The following DLG2 variants were observed in gnomAD, a reference collection of about 807,000 sequenced individuals.
DLG2 encodes discs large MAGUK scaffold protein 2.
A neutral mutation model predicts 132.5 loss-of-function variants in DLG2; 45 were observed. That is an observed-to-expected ratio of 0.34 (90% confidence interval 0.27 to 0.44). DLG2 has a LOEUF of 0.44. Among genes scored for constraint, DLG2 ranks in the 20% least tolerant of loss-of-function variants. The pLI, the probability that DLG2 is intolerant of heterozygous loss-of-function variation, is 1.00. For synonymous variants in DLG2, 424 were observed against 419.6 expected, an observed-to-expected ratio of 1.01 and a Z score of -0.13; for missense variants, 1,045 against 1,196.9, an observed-to-expected ratio of 0.87 and a Z score of 1.87.
chr11:85,060,148 T>A (rs1414661893), intron 6 of DLG2, among the ~76,000 whole-genome samples: 1 of 151,404 alleles, frequency 6.6e-6, no homozygotes, highest in Non-Finnish European at 1.5e-5. Flanking sequence ...TCTGTTTCAG[T>A]GAGTTTGGCG....
chr11:85,122,683 A>G (rs2074466278), intron 5 of DLG2, among the ~76,000 whole-genome samples: 1 of 151,910 alleles, frequency 6.6e-6, no homozygotes, highest in Non-Finnish European at 1.5e-5. Context: ...GGGGACTAAG[A>G]TCCTGCATTT....
chr11:85,079,321 G>A (rs1196530146), intron 6 of DLG2, among the ~76,000 whole-genome samples: 2 of 152,006 alleles, frequency 1.3e-5, no homozygotes, highest in African/African-American at 2.4e-5. Context: ...CTGTTTTAAT[G>A]TTGATGCTGG....
intron 11 of DLG2, among the ~76,000 whole-genome samples, chr11:83,981,665 G>C (rs2092791262): frequency 1.3e-5 from 2 of 152,066 alleles, no homozygotes; most frequent in African/African-American, 2.4e-5. Context: ...TTGAACTCCT[G>C]ACCTCAGGTG....
intron 17 of DLG2, among the ~76,000 whole-genome samples, chr11:83,832,083 C>T (rs1003838632): frequency 6.6e-6 from 1 of 152,142 alleles, no homozygotes; most frequent in Non-Finnish European, 1.5e-5. Context: ...GGAAGTTTAT[C>T]TTCATTTGAA....
chr11:83,560,126 T>C (rs926737141), intron 19 of DLG2, among the ~76,000 whole-genome samples: 8 of 151,978 alleles, frequency 5.3e-5, no homozygotes, highest in African/African-American at 1.9e-4. Flanking sequence ...TGCTTTTTTT[T>C]TTTTTCTTCT....
intron 11 of DLG2, among the ~76,000 whole-genome samples, chr11:84,054,237 T>G (rs2154124389): frequency 6.6e-6 from 1 of 152,176 alleles, no homozygotes; most frequent in Non-Finnish European, 1.5e-5. Flanking sequence ...AAACAAACAG[T>G]TCTGTACTTG....
At chr11:85,348,661 T>C (rs1023334590) in intron 3 of DLG2, among the ~76,000 whole-genome samples, 3 of 152,096 alleles carry the variant, frequency 2.0e-5, no homozygotes, top group African/African-American at 7.3e-5. Context: ...CAACCTAACT[T>C]TCCTGTACTT....
At chr11:84,445,848 GGAGCTTGCAGT>G (rs1193531160) in intron 7 of DLG2, among the ~76,000 whole-genome samples, 1 of 149,690 alleles carries the variant, frequency 6.7e-6, no homozygotes, top group East Asian at 2.0e-4. Context: ...CCCGGGAGGC[GGAGCTTGCAGT>G]GAGCCGAGAT....
At chr11:84,748,696 A>T (rs1340962802) in intron 6 of DLG2, among the ~76,000 whole-genome samples, 1 of 152,226 alleles carries the variant, frequency 6.6e-6, no homozygotes, top group African/African-American at 2.4e-5. Context: ...GTGGTAGAGA[A>T]GTAAAGGTTA....
chr11:85,576,690 G>C (rs2078176687), intron 3 of DLG2, among the ~76,000 whole-genome samples: 2 of 152,104 alleles, frequency 1.3e-5, no homozygotes, highest in African/African-American at 4.8e-5. Context: ...CTAAGTGTTA[G>C]GATTAAAAGA....
chr11:84,054,841 T>C (rs912202505), intron 11 of DLG2, among the ~76,000 whole-genome samples: 1 of 152,100 alleles, frequency 6.6e-6, no homozygotes, highest in Non-Finnish European at 1.5e-5. Context: ...GTTTATCCTC[T>C]ATTCTGTGCA....
chr11:84,674,421 AACAGGC>A (rs1198874572), intron 6 of DLG2, among the ~76,000 whole-genome samples: 2 of 152,100 alleles, frequency 1.3e-5, no homozygotes, highest in East Asian at 3.9e-4. Context: ...CTTACTAAGT[AACAGGC>A]ACTGTGGTAG....
chr11:84,519,422 G>C (rs1378063912), intron 7 of DLG2, among the ~76,000 whole-genome samples: 3 of 152,126 alleles, frequency 2.0e-5, no homozygotes, highest in Non-Finnish European at 2.9e-5. Flanking sequence ...AATTCAAAGA[G>C]ACAAGATATT....
intron 6 of DLG2, among the ~76,000 whole-genome samples, chr11:84,940,345 G>T (rs1443432775): frequency 1.3e-5 from 2 of 152,118 alleles, no homozygotes; most frequent in African/African-American, 4.8e-5. Context: ...TAGAGACAGG[G>T]TTTCATCATT....
At chr11:84,728,727 T>G (rs951471149) in intron 6 of DLG2, among the ~76,000 whole-genome samples, 3 of 152,162 alleles carry the variant, frequency 2.0e-5, no homozygotes, top group Non-Finnish European at 4.4e-5. Flanking sequence ...TCTTGGACTT[T>G]TTTTGGTTGT....
intron 6 of DLG2, among the ~76,000 whole-genome samples, chr11:84,981,658 C>A (rs888570620): frequency 1.3e-5 from 2 of 152,026 alleles, no homozygotes; most frequent in Non-Finnish European, 2.9e-5. Context: ...AATATAGCAC[C>A]ATTTTAACAT....
chr11:84,748,258 A>G (rs2076978988), intron 6 of DLG2, among the ~76,000 whole-genome samples: 1 of 152,200 alleles, frequency 6.6e-6, no homozygotes, highest in South Asian at 2.1e-4. Flanking sequence ...CCAACATGCC[A>G]ATTGGTCTTC....
chr11:84,859,835 T>TA (rs543736442), intron 6 of DLG2, among the ~76,000 whole-genome samples: 179 of 151,958 alleles, frequency 1.2e-3, no homozygotes, highest in African/African-American at 4.2e-3. Flanking sequence ...GAGGCAAGTT[T>TA]AAAAAAAATC....
At chr11:84,854,641 T>A (rs1168551955) in intron 6 of DLG2, among the ~76,000 whole-genome samples, 1 of 152,050 alleles carries the variant, frequency 6.6e-6, no homozygotes, top group Non-Finnish European at 1.5e-5. Flanking sequence ...GAGAGCCATT[T>A]TGAAATTCAG....
Sources: allele counts gnomAD v4.1 joint callset (sites outside exome capture counted in the v4.1 genomes callset), GRCh38; gene constraint gnomAD v4.1.1; transcripts MANE v1.5; gene names NCBI Gene and HGNC (gene_info 2026-07-23, HGNC 2026-07-21).